Variants in ATP1B1 observed in about 807,000 individuals in gnomAD.
ATP1B1 encodes the protein ATPase Na+/K+ transporting subunit beta 1, also known as sodium/potassium-transporting ATPase subunit beta-1.
In ATP1B1, 3 loss-of-function variants were observed where a neutral mutation model predicts 39.6. The observed-to-expected ratio is 0.08, with a 90% confidence interval of 0.03 to 0.20. The LOEUF (loss-of-function observed/expected upper bound fraction) is 0.20, where lower values mean the gene tolerates loss of function less well. Among genes scored for constraint, ATP1B1 ranks in the 10% least tolerant of loss-of-function variants. ATP1B1 has a pLI of 1.00. For missense variants in ATP1B1, 216 were observed against 371.1 expected (o/e 0.58, Z 3.43); for synonymous variants, 139 against 135.0 (o/e 1.03, Z -0.20).
In ATP1B1 at chr1:169,127,224, A is replaced by G; in HGVS notation, c.383A>G (p.Asp128Gly). 1 of 1,567,628 alleles carries G rather than the reference A, an allele frequency of 6.4e-7. No homozygotes were observed. ...ATAAAAGTTGTGTTTTTATTTTTAG[A>G]TGTGCCCAGTGAACCGAAAGAACGA... is the stretch of plus-strand genomic sequence containing the variant. ...RDDMIFEDCGDVPSEPKERGD... is the reference protein window; with the variant it reads ...RDDMIFEDCGGVPSEPKERGD... Residue 128 changes from aspartate to glycine, a missense_variant and splice_region_variant, in exon 4 of 6, where the codon GAT becomes GGT. Physicochemically the swap from Asp to Gly is moderately conservative, Grantham distance 94. Transcript: ENST00000367815.
chr1:169,124,864 T>A lies in ATP1B1; in HGVS notation c.227-20T>A. The stretch of plus-strand genomic sequence containing the variant: ...TCGTTTCTGCCTTCCTACTAATGTT[T>A]TTCTCTCTGCCTGGTCTAGGATTAA... On this transcript the variant is annotated intron_variant, in intron 2 of 5. Transcript: ENST00000367815. 3 of 1,607,720 alleles carry A rather than the reference T, an allele frequency of 1.9e-6. No individual in the cohort carries two copies. Among genetic ancestry groups the A allele is most frequent in the Non-Finnish European group, 2.5e-6 (3 of 1,177,790 alleles).
intron 1 of ATP1B1, among the ~76,000 whole-genome samples, chr1:169,110,936 A>C (rs1461351010): frequency 1.3e-5 from 2 of 152,206 alleles, no homozygotes; most frequent in African/African-American, 4.8e-5. Context: ...TTTAAATGTC[A>C]AGGGATATGC....
rs776015665 is a variant in ATP1B1 at position 169,106,793 on chromosome 1, C to A, written c.-37C>A. 1 of 1,543,012 alleles carries A rather than the reference C, an allele frequency of 6.5e-7. No homozygotes were observed. The highest frequency in any genetic ancestry group is 2.6e-5 in the East Asian group (1 of 38,500). ...CCAGGGCGCGCGCCGCAGCCACCCA[C>A]CCTCCGGACCGCGGCAGCTGCTGAC... On this transcript the variant is annotated 5_prime_UTR_variant, in exon 1 of 6. Coordinates refer to ENST00000367815, the MANE Select transcript of ATP1B1 (RefSeq NM_001677.4).
At chr1:169,106,999 C>G (rs1657607518) in intron 1 of ATP1B1, 73 bp downstream of exon 1, 1 of 1,425,012 alleles carries the variant, frequency 7.0e-7, no homozygotes, top group Non-Finnish European at 9.5e-7. Context: ...TGCGCAGGGT[C>G]CGCGGCCGGT....
intron 2 of ATP1B1, among the ~76,000 whole-genome samples, chr1:169,114,490 G>C (rs1447264229): frequency 6.6e-6 from 1 of 152,182 alleles, no homozygotes; most frequent in Admixed American, 6.5e-5. Context: ...GGAATACCTT[G>C]TAGTTGGATC....
chr1:169,110,653 C>T (rs1463885398), intron 1 of ATP1B1: 12 of 1,287,124 alleles, frequency 9.3e-6, no homozygotes, highest in African/African-American at 1.5e-5. Context: ...AAATGCAGCC[C>T]AGCAAGTCAG....
chr1:169,121,145 C>G (rs984184808), intron 2 of ATP1B1, among the ~76,000 whole-genome samples: 11 of 151,984 alleles, frequency 7.2e-5, no homozygotes, highest in African/African-American at 2.7e-4. Flanking sequence ...TGGGGTTTCA[C>G]CATGTTGGCC....
intron 2 of ATP1B1, among the ~76,000 whole-genome samples, 190 bp downstream of exon 2, chr1:169,111,688 T>G (rs1334623501): frequency 6.6e-6 from 1 of 152,206 alleles, no homozygotes; most frequent in African/African-American, 2.4e-5. Flanking sequence ...TCCCACGGGT[T>G]GCAGACATCT....
chr1:169,123,863 G>A (rs1200154), intron 2 of ATP1B1, among the ~76,000 whole-genome samples: 95,424 of 152,022 alleles, frequency 0.63, 30,265 homozygotes, highest in East Asian at 0.82. Context: ...TGGATCTCAG[G>A]TGATCCACCC....
At chr1:169,120,950 C>CTTTT (rs5778600) in intron 2 of ATP1B1, among the ~76,000 whole-genome samples, 3 of 134,862 alleles carry the variant, frequency 2.2e-5, no homozygotes, top group Non-Finnish European at 3.1e-5. Flanking sequence ...CTTTTCTTTT[C>CTTTT]TTTTTTTTTT....
chr1:169,111,648 C>A, intron 2 of ATP1B1, 150 bp downstream of exon 2: 2 of 1,162,608 alleles, frequency 1.7e-6, no homozygotes, highest in Non-Finnish European at 2.4e-6. Context: ...CGGCTGCAGC[C>A]AGATGTCCTA....
chr1:169,117,352 C>T (rs1037676736), intron 2 of ATP1B1, among the ~76,000 whole-genome samples: 3 of 152,214 alleles, frequency 2.0e-5, no homozygotes, highest in Non-Finnish European at 4.4e-5. Context: ...TTGGCTTCAA[C>T]AACTCAACTA....
intron 3 of ATP1B1, among the ~76,000 whole-genome samples, chr1:169,125,880 T>C (rs1208361910): frequency 1.3e-5 from 2 of 151,926 alleles, no homozygotes; most frequent in Admixed American, 6.6e-5. Context: ...GAGGCTGAAG[T>C]GGGAGGATCA....
intron 1 of ATP1B1, among the ~76,000 whole-genome samples, chr1:169,109,234 ATTTG>A (rs377181193): frequency 7.9e-5 from 12 of 152,114 alleles, no homozygotes; most frequent in Admixed American, 2.0e-4. Flanking sequence ...TTGTTTGTTC[ATTTG>A]TTTGTTTTTC....
At chr1:169,119,549 A>G (rs187947781) in intron 2 of ATP1B1, among the ~76,000 whole-genome samples, 2 of 152,288 alleles carry the variant, frequency 1.3e-5, no homozygotes, top group East Asian at 3.9e-4. Context: ...CAGTAGAAAG[A>G]GGGGCATGAT....
intron 2 of ATP1B1, among the ~76,000 whole-genome samples, chr1:169,114,704 C>T (rs879885842): frequency 2.0e-5 from 3 of 152,068 alleles, no homozygotes; most frequent in Admixed American, 6.6e-5. Context: ...CAATGGTGGC[C>T]GTTTAATGCA....
intron 2 of ATP1B1, among the ~76,000 whole-genome samples, chr1:169,117,411 G>C (rs1477806735): frequency 1.3e-5 from 2 of 152,198 alleles, no homozygotes; most frequent in African/African-American, 4.8e-5. Context: ...CAACTAGTAA[G>C]TCATCTCTTG....
intron 2 of ATP1B1, among the ~76,000 whole-genome samples, chr1:169,120,822 G>C (rs1449770178): frequency 6.6e-6 from 1 of 152,208 alleles, no homozygotes; most frequent in Non-Finnish European, 1.5e-5. Context: ...CGTCTAGAGA[G>C]ACATGAGGCC....
At chr1:169,111,606 C>T in intron 2 of ATP1B1, 108 bp downstream of exon 2, 1 of 1,418,836 alleles carries the variant, frequency 7.0e-7, no homozygotes, top group Non-Finnish European at 9.5e-7. Flanking sequence ...AGTCTTAAAG[C>T]AACCATGAAA....
Sources: allele counts gnomAD v4.1 joint callset (sites outside exome capture counted in the v4.1 genomes callset), GRCh38; gene constraint gnomAD v4.1.1; transcripts MANE v1.5; gene names NCBI Gene and HGNC (gene_info 2026-07-23, HGNC 2026-07-21).